The following ASTN2 variants were observed in gnomAD, a reference collection of about 807,000 sequenced individuals.
The protein encoded by ASTN2 is astrotactin-2.
ASTN2 carries 54 observed loss-of-function variants against 139.8 expected under a neutral mutation model. The ratio of observed to expected loss-of-function variants is 0.39; its 90% CI spans 0.31 to 0.48. ASTN2 has a LOEUF of 0.48. Among genes scored for constraint, ASTN2 ranks in the 20% least tolerant of loss-of-function variants. The pLI is 0.95. For synonymous variants in ASTN2, 756 were observed against 719.5 expected (o/e 1.05, Z -0.81); for missense variants, 1,565 against 1,725.1 (o/e 0.91, Z 1.64).
rs55634992 is a variant in ASTN2 at position 116,839,881 on chromosome 9, A to ATTAT, written c.2041-19099_2041-19098insATAA. On this transcript the variant is annotated intron_variant, in intron 11 of 22. Coordinates refer to ENST00000313400, the MANE Select transcript of ASTN2 (RefSeq NM_001365068.1). ...TTTCATTATTATTATTATTATTATT[A>ATTAT]TTTTTTTTTTTTTAATTGATCATTC... is the stretch of plus-strand genomic sequence containing the variant. Among the ~76,000 whole-genome samples, 15 of 127,970 alleles carry ATTAT rather than the reference A, an allele frequency of 1.2e-4. No homozygotes were observed. The East Asian group carries it at 1.5e-3, about 12-fold the overall frequency. The allele number at this position is 127,970 out of a possible 152,430, so 84.0% of individuals were successfully genotyped here. A position where few individuals can be genotyped will look rare whatever the true frequency, so the allele number is the denominator to read the frequency against.
At chr9:117,336,685 C>T (rs1005654721) in intron 1 of ASTN2, among the ~76,000 whole-genome samples, 1 of 152,132 alleles carries the variant, frequency 6.6e-6, no homozygotes, top group Non-Finnish European at 1.5e-5. Flanking sequence ...CCTGACCTTG[C>T]CTAAAATGTT....
At chr9:117,100,610 C>A (rs1288726360) in intron 4 of ASTN2, among the ~76,000 whole-genome samples, 1 of 152,190 alleles carries the variant, frequency 6.6e-6, no homozygotes, top group East Asian at 1.9e-4. Flanking sequence ...CAGGTGCTCA[C>A]CATATTGGAG....
At chr9:117,377,245 A>G (rs1249443229) in intron 1 of ASTN2, among the ~76,000 whole-genome samples, 1 of 151,966 alleles carries the variant, frequency 6.6e-6, no homozygotes, top group Non-Finnish European at 1.5e-5. Context: ...GGACTGTTTC[A>G]GGAAGCCCAG....
At chr9:116,532,178 C>G (rs1485851266) in intron 19 of ASTN2, among the ~76,000 whole-genome samples, 1 of 152,202 alleles carries the variant, frequency 6.6e-6, no homozygotes, top group Non-Finnish European at 1.5e-5. Context: ...TGAGAAGTGT[C>G]TGTTCACATC....
At chr9:116,845,426 G>T (rs147732202) in intron 11 of ASTN2, among the ~76,000 whole-genome samples, 1 of 152,180 alleles carries the variant, frequency 6.6e-6, no homozygotes, top group Admixed American at 6.5e-5. Flanking sequence ...TAGAAAATGT[G>T]AGAGTTCCCG....
In ASTN2 at chr9:116,907,428, T is replaced by C. The variant is rs190330367; in HGVS notation, c.1890-43695A>G. On this transcript the variant is annotated intron_variant, in intron 10 of 22. Coordinates refer to ENST00000313400, the MANE Select transcript of ASTN2 (RefSeq NM_001365068.1). ...AGTGTCCGAGGCAGGCTCCAAGAAG[T>C]GACAGCTTGCTCAAATCCCAGATCC... 1.2e-3 allele frequency among the ~76,000 whole-genome samples: 187 copies of C among 152,218 alleles called. 2 individuals carry two copies. The highest frequency in any genetic ancestry group is 0.01 in the Middle Eastern group (3 of 294).
At chr9:117,409,640 T>C (rs148060407) in intron 1 of ASTN2, among the ~76,000 whole-genome samples, 1 of 152,292 alleles carries the variant, frequency 6.6e-6, no homozygotes, top group Non-Finnish European at 1.5e-5. Context: ...TTAATTTGTG[T>C]AGACTTTTCT....
At chr9:116,712,771 T>A (rs1257633545) in intron 16 of ASTN2, among the ~76,000 whole-genome samples, 1 of 152,218 alleles carries the variant, frequency 6.6e-6, no homozygotes, top group African/African-American at 2.4e-5. Context: ...AATGTCACCA[T>A]TGGAAGAGAA....
chr9:117,305,470 A>G (rs1564136968), intron 1 of ASTN2, among the ~76,000 whole-genome samples: 1 of 152,188 alleles, frequency 6.6e-6, no homozygotes, highest in African/African-American at 2.4e-5. Flanking sequence ...GCACAGGGCC[A>G]GGACTCAAGC....
chr9:116,787,060 AG>A (rs1375305421), intron 13 of ASTN2, among the ~76,000 whole-genome samples: 1 of 152,328 alleles, frequency 6.6e-6, no homozygotes, highest in African/African-American at 2.4e-5. Context: ...GGGAACTGTG[AG>A]TCCATTAAAC....
Position 117,078,486 on chromosome 9 carries a change from A to G in ASTN2, c.1276+17558T>C, listed in dbSNP as rs117283305. ...CTTACTTTGGTTAAAAAATAAAAAC[A>G]AAAATACCATGTTATTAGAAGCACC... On this transcript the variant is annotated intron_variant, in intron 5 of 22. Coordinates refer to ENST00000313400, the MANE Select transcript of ASTN2 (RefSeq NM_001365068.1). Among the ~76,000 whole-genome samples, 128 of 152,360 alleles carry G rather than the reference A, an allele frequency of 8.4e-4. 2 individuals carry two copies. In the East Asian group the frequency reaches 0.022, roughly 27 times the overall value.
At chr9:116,777,628 G>A (rs1050700548) in intron 13 of ASTN2, among the ~76,000 whole-genome samples, 1 of 152,094 alleles carries the variant, frequency 6.6e-6, no homozygotes, top group Non-Finnish European at 1.5e-5. Flanking sequence ...TTCTGACTCC[G>A]AGGGTCTGGA....
At chr9:117,367,485 T>C (rs1427490713) in intron 1 of ASTN2, among the ~76,000 whole-genome samples, 5 of 152,162 alleles carry the variant, frequency 3.3e-5, no homozygotes, top group Non-Finnish European at 4.4e-5. Context: ...TTCATGATCC[T>C]CTGGGGGTCA....
rs141351103 is a variant in ASTN2 at position 117,133,938 on chromosome 9, T to C, written c.1168+7388A>G. On this transcript the variant is annotated intron_variant, in intron 4 of 22. Coordinates refer to ENST00000313400, the MANE Select transcript of ASTN2 (RefSeq NM_001365068.1). ...GCTGGTCTCCAGGTAGTTGTGTCTA[T>C]CCAGTCCTCCTTGTAACCCCTATAA... 6.8e-3 allele frequency among the ~76,000 whole-genome samples: 1,029 copies of C among 152,158 alleles called. 11 individuals carry two copies. Among genetic ancestry groups the C allele is most frequent in the African/African-American group, 0.023 (970 of 41,508 alleles).
intron 19 of ASTN2, among the ~76,000 whole-genome samples, chr9:116,515,527 A>G (rs1330062446): frequency 6.6e-6 from 1 of 152,176 alleles, no homozygotes; most frequent in African/African-American, 2.4e-5. Context: ...GAAGGAGCCA[A>G]TAGATGGTTG....
chr9:117,363,054 A>G (rs1587981824), intron 1 of ASTN2, among the ~76,000 whole-genome samples: 2 of 151,766 alleles, frequency 1.3e-5, no homozygotes, highest in African/African-American at 4.8e-5. Context: ...TGACCAAAAT[A>G]CCCCTGATGC....
intron 7 of ASTN2, among the ~76,000 whole-genome samples, chr9:117,003,555 A>C (rs200369688): frequency 1.5e-4 from 2 of 13,520 alleles, no homozygotes; most frequent in Non-Finnish European, 3.3e-4. Context: ...GTGTGTGTGT[A>C]TTTAAATCTA....
intron 3 of ASTN2, among the ~76,000 whole-genome samples, chr9:117,145,156 A>T (rs969756808): frequency 6.6e-6 from 1 of 152,180 alleles, no homozygotes; most frequent in South Asian, 2.1e-4. Context: ...TCTTTGAGAC[A>T]TCTAAGTGGA....
intron 16 of ASTN2, among the ~76,000 whole-genome samples, chr9:116,693,195 T>C (rs1323410472): frequency 1.3e-5 from 2 of 152,232 alleles, no homozygotes; most frequent in Non-Finnish European, 2.9e-5. Context: ...TCAGGCTAAG[T>C]ACTTTATATG....
Sources: allele counts gnomAD v4.1 joint callset (sites outside exome capture counted in the v4.1 genomes callset), GRCh38; gene constraint gnomAD v4.1.1; transcripts MANE v1.5; gene names NCBI Gene and HGNC (gene_info 2026-07-23, HGNC 2026-07-21).